Variants in MBTPS1 observed in about 807,000 individuals in gnomAD.
The protein encoded by MBTPS1 is membrane-bound transcription factor site-1 protease.
MBTPS1 carries 94 observed loss-of-function variants against 127.8 expected under a neutral mutation model. The observed-to-expected ratio is 0.74, with a 90% CI of 0.62 to 0.87. The LOEUF is 0.87. Ranked by LOEUF, MBTPS1 falls within the 40% of genes least tolerant of loss-of-function variation. The pLI is 0.00. For missense variants in MBTPS1, 1,636 were observed against 1,353.2 expected, an observed-to-expected ratio of 1.21 and a Z score of -3.28; for synonymous variants, 632 against 509.4, an observed-to-expected ratio of 1.24 and a Z score of -3.24.
chr16:84,081,217 C>T (rs2085935225), intron 11 of MBTPS1, among the ~76,000 whole-genome samples: 2 of 152,320 alleles, frequency 1.3e-5, no homozygotes, highest in South Asian at 2.1e-4. Flanking sequence ...ATTTGTGAAA[C>T]TTTGCTGTAA....
intron 11 of MBTPS1, 146 bp downstream of exon 11, chr16:84,081,601 G>C (rs2085940501): frequency 1.9e-6 from 1 of 519,824 alleles, no homozygotes. Context: ...CCCTGTAGAA[G>C]CAGCAGCAAA....
intron 2 of MBTPS1, among the ~76,000 whole-genome samples, chr16:84,100,892 T>C (rs555156791): frequency 1.7e-4 from 25 of 151,476 alleles, no homozygotes; most frequent in African/African-American, 4.8e-4. Context: ...CGGTGGCTCA[T>C]GCCTGTAATC....
chr16:84,094,001 TAAGAA>T (rs1272448793), intron 4 of MBTPS1, among the ~76,000 whole-genome samples, 180 bp from the exon 5 acceptor site: 1 of 152,128 alleles, frequency 6.6e-6, no homozygotes, highest in Non-Finnish European at 1.5e-5. Context: ...GAGCCAAGGC[TAAGAA>T]AAGAGGACAG....
chr16:84,066,703 C>G, intron 16 of MBTPS1, 90 bp from the exon 17 acceptor site: 3 of 1,302,238 alleles, frequency 2.3e-6, no homozygotes, highest in Non-Finnish European at 3.2e-6. Flanking sequence ...CTCAATTTCT[C>G]CTGCCACAAT....
At position 84,090,956 on chromosome 16, in the gene MBTPS1, A is replaced by G; in HGVS notation, c.964-14T>C. ...TAATTCCCACACCTACAAAAGGAGC[A>G]TTTATTTAATGAAAGTATCCCTTTC... is the stretch of plus-strand genomic sequence containing the variant. On this transcript the variant is annotated splice_polypyrimidine_tract_variant and intron_variant, in intron 7 of 22. Coordinates refer to ENST00000343411, the MANE Select transcript of MBTPS1 (RefSeq NM_003791.4). The G allele has an allele frequency of 6.4e-7, 1 of 1,572,580 alleles. No individual in the cohort carries two copies. The highest frequency in any genetic ancestry group is 8.7e-7 in the Non-Finnish European group (1 of 1,144,564).
At position 84,099,171 on chromosome 16, in the gene MBTPS1, A is replaced by G. The variant is rs1424290865; in HGVS notation, c.303T>C (p.Phe101=). 5 of 1,614,028 alleles carry G rather than the reference A, an allele frequency of 3.1e-6. No individual in the cohort carries two copies. The change falls in exon 3 of 23, where the codon TTT becomes TTC. Residue 101 remains phenylalanine (F), a synonymous_variant. Transcript: ENST00000343411. ...NNPSSDYPSD[F]EVIQIKEKQK... is the part of the protein sequence containing the mutation. ...GTTTTTCTTTTATCTGAATCACCTC[A>G]AAATCACTAGGGTAGTCACTGGATG...
Position 84,091,768 on chromosome 16 carries a change from G to A in MBTPS1, c.927C>T (p.Gly309=), listed in dbSNP as rs139673013. The A allele has an allele frequency of 1.5e-4, 243 of 1,614,056 alleles. No individual in the cohort carries two copies. In the East Asian group the frequency reaches 4.5e-3, roughly 30 times the overall value. The change falls in exon 7 of 23, where the codon GGC becomes GGT. Residue 309 remains glycine, a synonymous_variant. Transcript: ENST00000343411. ...KKIDVLNLSI[G]GPDFMDHPFV... is the part of the protein sequence containing the mutation. ...ACGGATGATCCATGAAGTCCGGGCC[G>A]CCGATGCTGAGGTTTAACACGTCGA...
chr16:84,081,160 T>C (rs2085934571), intron 11 of MBTPS1, among the ~76,000 whole-genome samples: 1 of 152,198 alleles, frequency 6.6e-6, no homozygotes, highest in Non-Finnish European at 1.5e-5. Context: ...TGGAAGATAC[T>C]AAGGTGAGGG....
chr16:84,093,590 A>G, intron 5 of MBTPS1, 121 bp downstream of exon 5: 1 of 772,582 alleles, frequency 1.3e-6, no homozygotes, highest in South Asian at 1.6e-5. Context: ...TTCTGCCACA[A>G]CAAAAAGCAC....
At position 84,065,765 on chromosome 16, in the gene MBTPS1, AC is replaced by A. The variant is rs1358518430; in HGVS notation, c.2355del (p.Met785IlefsTer18). 1 of 1,590,878 alleles carries A rather than the reference AC, an allele frequency of 6.3e-7. No homozygotes were observed. The highest frequency in any genetic ancestry group is 8.5e-7 in the Non-Finnish European group (1 of 1,170,710). ...GCGATGCTGCACCCTGACGCATAATACACTAGGAAAGAGTGTTCAAAGTCAA... is the reference window on the plus strand; with the variant it reads ...GCGATGCTGCACCCTGACGCATAATAACTAGGAAAGAGTGTTCAAAGTCAA... Reference protein sequence around the residue: ...EGEFTLANHDMYYASGCSIAK... With the variant: ...EGEFTLANHDXYYASGCSIAK... On this transcript the variant is annotated frameshift_variant and splice_region_variant, in exon 18 of 23. Transcript: ENST00000343411. LOFTEE classifies it high-confidence loss of function.
rs372301408 is a variant in MBTPS1, at chr16:84,074,630, G to A, written c.1560C>T (p.Asn520=). ...MPTVVNVTIL[N]GMGVTGRIVD... ...CAATTCTTCCTGTGACTCCCATGCCGTTGAGGATGGTGACATTAACAACTG... is the reference window on the plus strand; with the variant it reads ...CAATTCTTCCTGTGACTCCCATGCCATTGAGGATGGTGACATTAACAACTG... Residue 520 remains asparagine (N), a synonymous_variant, in exon 12 of 23, where the codon AAC becomes AAT. Coordinates refer to ENST00000343411, the MANE Select transcript of MBTPS1 (RefSeq NM_003791.4). 1.9e-4 allele frequency: 304 copies of A among 1,614,094 alleles called. 2 individuals carry two copies. The highest frequency in any genetic ancestry group is 1.1e-3 in the South Asian group (99 of 91,074).
intron 2 of MBTPS1, 30 bp downstream of exon 2, chr16:84,101,591 A>C: frequency 6.5e-7 from 1 of 1,548,678 alleles, no homozygotes; most frequent in Non-Finnish European, 8.8e-7. Context: ...ATAGGATGGG[A>C]GTTCCTAATA....
At chr16:84,071,360 G>T (rs990826738) in intron 12 of MBTPS1, among the ~76,000 whole-genome samples, 1 of 152,138 alleles carries the variant, frequency 6.6e-6, no homozygotes, top group Non-Finnish European at 1.5e-5. Flanking sequence ...GCAACTAACC[G>T]GTATTTCAGA....
At chr16:84,088,216 A>C (rs577331518) in intron 8 of MBTPS1, among the ~76,000 whole-genome samples, 1 of 152,338 alleles carries the variant, frequency 6.6e-6, no homozygotes, top group Non-Finnish European at 1.5e-5. Context: ...ACCAAAAAAA[A>C]TGAACTCTTT....
At position 84,116,747 on chromosome 16, in the gene MBTPS1, G is replaced by C. The variant is rs1294615314; in HGVS notation, c.-337C>G. The C allele has an allele frequency of 1.3e-5, 2 of 152,146 alleles. No individual in the cohort carries two copies. The highest frequency in any genetic ancestry group is 1.9e-4 in the East Asian group (1 of 5,176). 9.4% of individuals were successfully genotyped at this position (152,146 alleles called of 1,614,324 possible). ...GCGGCTGACGTACCTGCGCCGCCGG[G>C]AGCTCAGGGCCGGCGGGCCCGGGAT... On this transcript the variant is annotated 5_prime_UTR_variant, in exon 1 of 23. Transcript: ENST00000343411.
chr16:84,062,411 G>A (rs1481406192), intron 19 of MBTPS1, among the ~76,000 whole-genome samples: 3 of 152,164 alleles, frequency 2.0e-5, no homozygotes, highest in African/African-American at 4.8e-5. Flanking sequence ...GAGCCACCGC[G>A]CCCGGCCCAT....
intron 15 of MBTPS1, 98 bp downstream of exon 15, chr16:84,068,241 G>C: frequency 1.2e-6 from 1 of 857,264 alleles, no homozygotes; most frequent in South Asian, 1.5e-5. Context: ...TACTCCCTTG[G>C]TAGCTATCAC....
At chr16:84,091,145 G>A (rs2086100373) in intron 7 of MBTPS1, among the ~76,000 whole-genome samples, 2 of 152,158 alleles carry the variant, frequency 1.3e-5, no homozygotes, top group Non-Finnish European at 1.5e-5. Context: ...CAGAGCAGAT[G>A]CTGACTTTCT....
chr16:84,116,036 C>T (rs2086471415), intron 1 of MBTPS1, among the ~76,000 whole-genome samples: 1 of 152,126 alleles, frequency 6.6e-6, no homozygotes, highest in African/African-American at 2.4e-5. Flanking sequence ...GGAGGGCTTA[C>T]CTACACAGTT....
Sources: allele counts gnomAD v4.1 joint callset (sites outside exome capture counted in the v4.1 genomes callset), GRCh38; gene constraint gnomAD v4.1.1; transcripts MANE v1.5; gene names NCBI Gene and HGNC (gene_info 2026-07-23, HGNC 2026-07-21).